The following RSPH14 variants were observed in gnomAD, a reference collection of about 807,000 sequenced individuals.
RSPH14 encodes the protein rhabdoid tumor deletion region gene 1.
Under a neutral mutation model 26.7 loss-of-function variants are expected in RSPH14, and 20 were observed. That is an observed-to-expected ratio of 0.75 (90% CI 0.53 to 1.09). The LOEUF (loss-of-function observed/expected upper bound fraction) is 1.09. RSPH14 is among the 50% of genes least tolerant of loss of function. The pLI is 0.00. For missense variants in RSPH14, 449 were observed against 457.2 expected (o/e 0.98, Z 0.16); for synonymous variants, 177 against 189.3 (o/e 0.93, Z 0.53).
chr22:23,079,975 G>A lies in RSPH14; in HGVS notation c.422-15842C>T, dbSNP rs555952239. On this transcript the variant is annotated intron_variant, in intron 4 of 6. Transcript: ENST00000216036. Reference sequence around the variant, plus strand: ...GCAGGGCCTCAAAGACCCAGAAGGTGAAATCAGATTCCCCACTCAAGTGAG... The same window carrying A: ...GCAGGGCCTCAAAGACCCAGAAGGTAAAATCAGATTCCCCACTCAAGTGAG... Among the ~76,000 whole-genome samples, 7 of 152,272 alleles carry A rather than the reference G, an allele frequency of 4.6e-5. No individual in the cohort carries two copies. The East Asian group carries it at 9.7e-4, about 21-fold the overall frequency.
chr22:23,145,465 C>T (rs2146469399), upstream of RSPH14: 1 of 1,609,998 alleles, frequency 6.2e-7, no homozygotes, highest in East Asian at 2.2e-5. Flanking sequence ...CCGCAGGTCC[C>T]GCGTGGCTCT....
At chr22:23,070,347 G>A (rs1248967581) in intron 4 of RSPH14, 1 of 137,570 alleles carries the variant, frequency 7.3e-6, no homozygotes, top group South Asian at 2.3e-4. Context: ...GGGCGGACCC[G>A]CGGACTGGCG....
At chr22:23,119,991 CCTGGGCACAAGCAGGGGCCTGAG>C (rs2069965631) in intron 4 of RSPH14, among the ~76,000 whole-genome samples, 1 of 152,176 alleles carries the variant, frequency 6.6e-6, no homozygotes, top group African/African-American at 2.4e-5. Context: ...CAAGGGGAGT[CCTGGGCACAAGCAGGGGCCTGAG>C]CTGAGGGAAG....
intron 4 of RSPH14, among the ~76,000 whole-genome samples, chr22:23,069,819 T>C (rs775660842): frequency 1.3e-5 from 2 of 152,098 alleles, no homozygotes; most frequent in Admixed American, 6.5e-5. Flanking sequence ...TTCTGAAGGA[T>C]TGGTGAGACA....
the RSPH14 span, among the ~76,000 whole-genome samples, chr22:23,157,101 G>A: frequency 1.3e-5 from 2 of 152,190 alleles, no homozygotes; most frequent in African/African-American, 4.8e-5. Flanking sequence ...CCGGGGTGCG[G>A]CCAGTGATGA....
At chr22:23,061,132 T>C (rs1169062897) in intron 6 of RSPH14, among the ~76,000 whole-genome samples, 1 of 152,170 alleles carries the variant, frequency 6.6e-6, no homozygotes, top group Non-Finnish European at 1.5e-5. Context: ...GGGAGGCTGA[T>C]TGCAAATCCA....
chr22:23,143,964 C>T (rs1414809321), upstream of RSPH14, among the ~76,000 whole-genome samples: 2 of 151,932 alleles, frequency 1.3e-5, no homozygotes, highest in Non-Finnish European at 1.5e-5. Flanking sequence ...ATGGTTGGTG[C>T]GCACCTGTGG....
chr22:23,114,089 G>A (rs2069741019), intron 4 of RSPH14, among the ~76,000 whole-genome samples: 2 of 152,098 alleles, frequency 1.3e-5, no homozygotes, highest in South Asian at 4.1e-4. Flanking sequence ...CCTCTGCCTC[G>A]GCCCCTCAGT....
intron 3 of RSPH14, among the ~76,000 whole-genome samples, 179 bp from the exon 4 acceptor site, chr22:23,134,323 A>G (rs948342577): frequency 6.6e-6 from 1 of 152,074 alleles, no homozygotes; most frequent in African/African-American, 2.4e-5. Flanking sequence ...CTGAACCTCC[A>G]GGGGAGCGAG....
At chr22:23,138,238 G>A (rs1256077008) in intron 3 of RSPH14, among the ~76,000 whole-genome samples, 1 of 152,202 alleles carries the variant, frequency 6.6e-6, no homozygotes, top group Non-Finnish European at 1.5e-5. Flanking sequence ...TGTTGCAGAA[G>A]TAAGATCTGA....
chr22:23,089,078 T>C (rs1021555373), intron 4 of RSPH14, among the ~76,000 whole-genome samples: 1 of 152,180 alleles, frequency 6.6e-6, no homozygotes, highest in African/African-American at 2.4e-5. Flanking sequence ...GGGCAGGCTT[T>C]CCTGGGAGGT....
At chr22:23,178,404 A>C in the RSPH14 span, among the ~76,000 whole-genome samples, 1 of 145,522 alleles carries the variant, frequency 6.9e-6, no homozygotes, top group Non-Finnish European at 1.5e-5. Flanking sequence ...CAACAGTGTG[A>C]GACTCCGTCT....
the RSPH14 span, among the ~76,000 whole-genome samples, chr22:23,174,958 A>C: frequency 6.6e-6 from 1 of 150,782 alleles, no homozygotes; most frequent in African/African-American, 2.4e-5. Flanking sequence ...CAAGAGCAAA[A>C]CTCCGTCTCA....
intron 4 of RSPH14, among the ~76,000 whole-genome samples, chr22:23,097,415 C>T (rs753000438): frequency 6.6e-6 from 1 of 152,222 alleles, no homozygotes; most frequent in Non-Finnish European, 1.5e-5. Flanking sequence ...AGGCAGTGGC[C>T]ATGGTGCTAG....
intron 4 of RSPH14, chr22:23,123,281 G>T: frequency 3.1e-6 from 5 of 1,614,092 alleles, no homozygotes; most frequent in Non-Finnish European, 4.2e-6. Flanking sequence ...ACATCCAGCG[G>T]CAGTTTGAAG....
chr22:23,137,673 T>A (rs1343766058), intron 3 of RSPH14: 1 of 547,846 alleles, frequency 1.8e-6, no homozygotes, highest in African/African-American at 1.9e-5. Context: ...GCCTTTCTTG[T>A]CTTTTCTTCC....
chr22:23,129,688 G>A (rs572426208), intron 4 of RSPH14, among the ~76,000 whole-genome samples: 3 of 152,190 alleles, frequency 2.0e-5, no homozygotes, highest in East Asian at 1.9e-4. Context: ...TTGGGAGGCC[G>A]AGGCAGGAGG....
At chr22:23,148,054 A>G (rs186470392), upstream of RSPH14, among the ~76,000 whole-genome samples, 4 of 152,270 alleles carry the variant, frequency 2.6e-5, no homozygotes, top group African/African-American at 9.6e-5. Flanking sequence ...GATCCTCTCC[A>G]TGGAATGGCC....
At chr22:23,130,157 A>G (rs915105190) in intron 4 of RSPH14, among the ~76,000 whole-genome samples, 1 of 138,960 alleles carries the variant, frequency 7.2e-6, no homozygotes, top group Non-Finnish European at 1.6e-5. Flanking sequence ...GAAAGAAAGA[A>G]AGAAAAAGAA....
Sources: gnomAD v4.1 joint callset for allele counts (sites outside exome capture counted in the v4.1 genomes callset) on GRCh38, gnomAD v4.1.1 for gene constraint, MANE v1.5 for transcripts, NCBI Gene and HGNC (gene_info 2026-07-23, HGNC 2026-07-21) for gene names.